Variants in MARCHF1 observed in about 807,000 individuals in gnomAD.
The protein encoded by MARCHF1 is membrane associated ring-CH-type finger 1, also known as E3 ubiquitin-protein ligase MARCHF1.
Under a neutral mutation model 54.2 loss-of-function variants are expected in MARCHF1, and 40 were observed. The observed-to-expected ratio is 0.74, with a 90% CI of 0.57 to 0.96. MARCHF1 has a LOEUF of 0.96. Among genes scored for constraint, MARCHF1 ranks in the 40% least tolerant of loss-of-function variants. The pLI, the probability that MARCHF1 is intolerant of heterozygous loss-of-function variation, is 0.00. For synonymous variants in MARCHF1, 236 were observed against 236.3 expected (o/e 1.00, Z 0.01); for missense variants, 586 against 656.5 (o/e 0.89, Z 1.17).
chr4:164,113,275 T>A (rs529482263), intron 1 of MARCHF1, among the ~76,000 whole-genome samples: 41 of 152,094 alleles, frequency 2.7e-4, no homozygotes, highest in African/African-American at 9.1e-4. Flanking sequence ...ACATATGTTG[T>A]TATTGGTTGG....
intron 5 of MARCHF1, among the ~76,000 whole-genome samples, chr4:163,639,733 G>C (rs1742485528): frequency 1.3e-5 from 2 of 152,108 alleles, no homozygotes; most frequent in Admixed American, 1.3e-4. Context: ...AAGAAAGAGA[G>C]GTGGAATAGA....
At chr4:163,700,211 G>C (rs1218688884) in intron 5 of MARCHF1, among the ~76,000 whole-genome samples, 1 of 151,992 alleles carries the variant, frequency 6.6e-6, no homozygotes, top group East Asian at 1.9e-4. Context: ...ATAATACTAT[G>C]ACAGTAGCAA....
intron 5 of MARCHF1, among the ~76,000 whole-genome samples, chr4:163,669,736 T>C (rs932164578): frequency 6.6e-6 from 1 of 152,010 alleles, no homozygotes; most frequent in African/African-American, 2.4e-5. Context: ...GTAGATGGAA[T>C]TACAGGCACC....
intron 1 of MARCHF1, among the ~76,000 whole-genome samples, chr4:164,123,090 A>G (rs1756105847): frequency 6.6e-6 from 1 of 152,162 alleles, no homozygotes. Flanking sequence ...AACTATTAGA[A>G]CTCGTAAGCA....
chr4:163,802,338 C>G (rs1005422893), intron 4 of MARCHF1, among the ~76,000 whole-genome samples: 1 of 151,912 alleles, frequency 6.6e-6, no homozygotes, highest in African/African-American at 2.4e-5. Flanking sequence ...GTGGAGATCT[C>G]TGCTAGGTAC....
chr4:163,546,425 C>T (rs1051543207), intron 8 of MARCHF1, among the ~76,000 whole-genome samples: 2 of 152,178 alleles, frequency 1.3e-5, no homozygotes, highest in African/African-American at 4.8e-5. Context: ...TAAAAACTTC[C>T]TTTTCAGGAT....
At chr4:163,970,331 C>T (rs1011359138) in intron 3 of MARCHF1, among the ~76,000 whole-genome samples, 27 of 152,162 alleles carry the variant, frequency 1.8e-4, no homozygotes, top group African/African-American at 5.8e-4. Flanking sequence ...TCCTGTCCTC[C>T]CATGGGTCCT....
intron 2 of MARCHF1, among the ~76,000 whole-genome samples, chr4:164,004,374 T>C (rs953984235): frequency 2.0e-5 from 3 of 152,006 alleles, no homozygotes; most frequent in Non-Finnish European, 2.9e-5. Context: ...ATAGAAATCC[T>C]AAATAAATAC....
At chr4:163,873,011 T>G (rs1214453380) in intron 3 of MARCHF1, among the ~76,000 whole-genome samples, 8 of 151,236 alleles carry the variant, frequency 5.3e-5, no homozygotes, top group African/African-American at 2.0e-4. Flanking sequence ...GCCACTGCAC[T>G]CCAGCCTGGG....
At chr4:164,191,886 CATT>C (rs1319015268) in intron 1 of MARCHF1, among the ~76,000 whole-genome samples, 3 of 152,090 alleles carry the variant, frequency 2.0e-5, no homozygotes, top group Non-Finnish European at 4.4e-5. Flanking sequence ...TGTGTTGTAA[CATT>C]GTGTTTCTAT....
intron 1 of MARCHF1, among the ~76,000 whole-genome samples, chr4:164,223,351 T>C (rs1434867305): frequency 6.6e-6 from 1 of 152,138 alleles, no homozygotes; most frequent in Middle Eastern, 3.4e-3. Flanking sequence ...AACTAGAAGC[T>C]GTCATGCAAA....
intron 5 of MARCHF1, among the ~76,000 whole-genome samples, chr4:163,674,357 G>A (rs1220865782): frequency 6.6e-6 from 1 of 152,130 alleles, no homozygotes; most frequent in Non-Finnish European, 1.5e-5. Context: ...AAAAAAATGT[G>A]ATGGGCTGAG....
chr4:163,586,488 T>C (rs1477106827), intron 7 of MARCHF1, among the ~76,000 whole-genome samples: 3 of 152,190 alleles, frequency 2.0e-5, no homozygotes, highest in African/African-American at 7.2e-5. Context: ...GCACCAGCCA[T>C]TTTGGAAAAG....
intron 4 of MARCHF1, among the ~76,000 whole-genome samples, chr4:163,746,989 G>T (rs1447966157): frequency 2.6e-5 from 4 of 152,178 alleles, no homozygotes; most frequent in African/African-American, 9.7e-5. Context: ...AAAGCTGGGT[G>T]AACTTGATCA....
intron 2 of MARCHF1, among the ~76,000 whole-genome samples, chr4:164,008,632 T>C (rs1753347784): frequency 6.6e-6 from 1 of 152,078 alleles, no homozygotes; most frequent in Non-Finnish European, 1.5e-5. Flanking sequence ...TCATGTCAAC[T>C]ATCTTTTCTG....
At chr4:163,742,753 T>G (rs953332883) in intron 4 of MARCHF1, among the ~76,000 whole-genome samples, 1 of 152,110 alleles carries the variant, frequency 6.6e-6, no homozygotes, top group Non-Finnish European at 1.5e-5. Flanking sequence ...GTTGGAATTA[T>G]GGGTACGCCC....
At chr4:163,583,193 A>T (rs12651196) in intron 8 of MARCHF1, among the ~76,000 whole-genome samples, 48 of 152,200 alleles carry the variant, frequency 3.2e-4, no homozygotes, top group African/African-American at 1.1e-3. Context: ...GTCCCTTTTT[A>T]AAGTGGCTAG....
At chr4:163,776,956 C>CTG (rs1747325491) in intron 4 of MARCHF1, among the ~76,000 whole-genome samples, 1 of 152,120 alleles carries the variant, frequency 6.6e-6, no homozygotes, top group Non-Finnish European at 1.5e-5. Flanking sequence ...TTTGTACTCC[C>CTG]TTTACACATG....
intron 3 of MARCHF1, among the ~76,000 whole-genome samples, chr4:163,983,590 T>C (rs1752803672): frequency 6.6e-6 from 1 of 152,134 alleles, no homozygotes; most frequent in African/African-American, 2.4e-5. Flanking sequence ...GGATAATAAT[T>C]TGGTGTCTGA....
Sources: gnomAD v4.1 joint callset for allele counts (sites outside exome capture counted in the v4.1 genomes callset) on GRCh38, gnomAD v4.1.1 for gene constraint, MANE v1.5 for transcripts, NCBI Gene and HGNC (gene_info 2026-07-23, HGNC 2026-07-21) for gene names.